Variants in CDCA2 observed in about 807,000 individuals in gnomAD.
The protein encoded by CDCA2 is cell division cycle-associated protein 2.
In CDCA2, 44 loss-of-function variants were observed where a neutral mutation model predicts 67.0. That is an observed-to-expected ratio of 0.66 (90% CI 0.52 to 0.84). The LOEUF is 0.84. Ranked by LOEUF, CDCA2 falls within the 40% of genes least tolerant of loss-of-function variation. CDCA2 has a pLI of 0.00. For synonymous variants in CDCA2, 447 were observed against 418.7 expected (o/e 1.07, Z -0.82); for missense variants, 1,253 against 1,203.2 (o/e 1.04, Z -0.61).
intron 5 of CDCA2, among the ~76,000 whole-genome samples, chr8:25,466,588 T>A (rs1419038486): frequency 1.3e-5 from 2 of 152,200 alleles, no homozygotes; most frequent in Non-Finnish European, 2.9e-5. Flanking sequence ...ATGCCAGAGA[T>A]AATTAGCTCA....
chr8:25,481,760 A>G (rs1375571280), intron 8 of CDCA2, among the ~76,000 whole-genome samples: 2 of 152,238 alleles, frequency 1.3e-5, no homozygotes, highest in East Asian at 1.9e-4. Context: ...TAGGAGGCAT[A>G]TAAAATGTGA....
At chr8:25,479,532 A>C (rs1362417052) in intron 7 of CDCA2, among the ~76,000 whole-genome samples, 1 of 152,112 alleles carries the variant, frequency 6.6e-6, no homozygotes, top group African/African-American at 2.4e-5. Flanking sequence ...TAGCGGTAAA[A>C]TTGCTTATTA....
intron 7 of CDCA2, among the ~76,000 whole-genome samples, chr8:25,478,890 A>G (rs1554522838): frequency 2.3e-4 from 25 of 110,546 alleles, no homozygotes; most frequent in African/African-American, 1.2e-3. Flanking sequence ...GTGTGTGTGT[A>G]TATATATATA....
At chr8:25,482,709 A>G (rs1803619460) in intron 8 of CDCA2, among the ~76,000 whole-genome samples, 1 of 152,140 alleles carries the variant, frequency 6.6e-6, no homozygotes, top group African/African-American at 2.4e-5. Context: ...TCTCTACAAA[A>G]AAATACAAAA....
intron 6 of CDCA2, among the ~76,000 whole-genome samples, chr8:25,469,083 G>A (rs571642451): frequency 1.3e-5 from 2 of 152,204 alleles, no homozygotes; most frequent in African/African-American, 2.4e-5. Flanking sequence ...CTCTCGTGAC[G>A]GACTTTTCTT....
At chr8:25,496,302 A>G (rs1169825547) in intron 13 of CDCA2, among the ~76,000 whole-genome samples, 2 of 152,192 alleles carry the variant, frequency 1.3e-5, no homozygotes, top group African/African-American at 4.8e-5. Context: ...TGGACACTTT[A>G]GAAGCTTGCT....
chr8:25,491,337 T>C (rs1803994654), intron 13 of CDCA2, among the ~76,000 whole-genome samples: 1 of 152,150 alleles, frequency 6.6e-6, no homozygotes, highest in Admixed American at 6.5e-5. Context: ...AAAGGAGTCT[T>C]CAAGTTAAAA....
At chr8:25,490,602 A>G (rs1049182918) in intron 13 of CDCA2, among the ~76,000 whole-genome samples, 13 of 152,188 alleles carry the variant, frequency 8.5e-5, no homozygotes, top group Non-Finnish European at 1.9e-4. Context: ...GGATGGTGAG[A>G]GTGAGAGGTG....
At chr8:25,474,604 C>G (rs1326103015) in intron 7 of CDCA2, among the ~76,000 whole-genome samples, 2 of 152,196 alleles carry the variant, frequency 1.3e-5, no homozygotes. Flanking sequence ...GCTCTGAAGT[C>G]AAATGATATT....
At chr8:25,487,833 C>G (rs1803843579) in intron 12 of CDCA2, among the ~76,000 whole-genome samples, 1 of 152,074 alleles carries the variant, frequency 6.6e-6, no homozygotes, top group African/African-American at 2.4e-5. Flanking sequence ...GAAGAAAAAT[C>G]TAGAAAGATG....
chr8:25,494,878 G>A lies in CDCA2; in HGVS notation c.1671+6189G>A, dbSNP rs370942758. Among the ~76,000 whole-genome samples, 115 of 151,860 alleles carry A rather than the reference G, an allele frequency of 7.6e-4. 1 individual carries two copies. Among genetic ancestry groups the A allele is most frequent in the African/African-American group, 2.6e-3 (107 of 41,382 alleles). ...CCACATAAGGACACCAGGGACGAGT[G>A]TGCATTGAGAAATAACCATGTGAGG... is the stretch of plus-strand genomic sequence containing the variant. On this transcript the variant is annotated intron_variant, in intron 13 of 14. Transcript: ENST00000330560.
chr8:25,464,954 A>G (rs778775662), intron 4 of CDCA2, among the ~76,000 whole-genome samples: 1 of 152,066 alleles, frequency 6.6e-6, no homozygotes, highest in African/African-American at 2.4e-5. Context: ...CACGATATGA[A>G]CTGCTTTTTC....
At chr8:25,477,594 C>T (rs1315830088) in intron 7 of CDCA2, among the ~76,000 whole-genome samples, 2 of 152,160 alleles carry the variant, frequency 1.3e-5, no homozygotes, top group Admixed American at 6.5e-5. Context: ...ATCTGAAACA[C>T]TTCTGATCCC....
chr8:25,475,240 G>C (rs1395589176), intron 7 of CDCA2, among the ~76,000 whole-genome samples: 2 of 152,194 alleles, frequency 1.3e-5, no homozygotes, highest in Non-Finnish European at 2.9e-5. Context: ...AAATATTTGG[G>C]CTGGGTGTAG....
intron 7 of CDCA2, 70 bp from the exon 8 acceptor site, chr8:25,479,843 A>G (rs1803497515): frequency 1.1e-5 from 16 of 1,405,284 alleles, no homozygotes; most frequent in Admixed American, 5.2e-5. Context: ...TGCAAATACT[A>G]TATTTTTGGT....
At chr8:25,477,673 T>C (rs547465908) in intron 7 of CDCA2, among the ~76,000 whole-genome samples, 3 of 152,354 alleles carry the variant, frequency 2.0e-5, no homozygotes, top group East Asian at 3.9e-4. Flanking sequence ...TCACATGCTG[T>C]TGACTTCAAA....
Position 25,460,368 on chromosome 8 carries a change from A to G in CDCA2, c.62-16A>G. ...AGAGAGTTGTCCTCACCCCTACAATATGTCGTCCGTTTCAGGAAATGCCTC... is the reference window on the plus strand; with the variant it reads ...AGAGAGTTGTCCTCACCCCTACAATGTGTCGTCCGTTTCAGGAAATGCCTC... On this transcript the variant is annotated splice_polypyrimidine_tract_variant and intron_variant, in intron 2 of 14. Coordinates refer to ENST00000330560, the MANE Select transcript of CDCA2 (RefSeq NM_152562.4). 1 of 1,614,128 alleles carries G rather than the reference A, an allele frequency of 6.2e-7. No individual in the cohort carries two copies. The highest frequency in any genetic ancestry group is 2.2e-5 in the East Asian group (1 of 44,874).
intron 13 of CDCA2, among the ~76,000 whole-genome samples, chr8:25,498,484 T>A (rs1473373849): frequency 3.0e-5 from 1 of 33,008 alleles, no homozygotes; most frequent in African/African-American, 7.8e-5. Flanking sequence ...CCTCCCAAAG[T>A]GCTGGGATTA....
Position 25,462,212 on chromosome 8 carries a change from T to A in CDCA2, c.387+4T>A, listed in dbSNP as rs1481879241. Reference sequence around the variant, plus strand: ...GGCACAAGATTCTCCTTCCCAGGTATGATTTTCTTCTAAGTTCTGTCGTGA... The same window carrying A: ...GGCACAAGATTCTCCTTCCCAGGTAAGATTTTCTTCTAAGTTCTGTCGTGA... On this transcript the variant is annotated splice_donor_region_variant and intron_variant, in intron 4 of 14. Coordinates refer to ENST00000330560, the MANE Select transcript of CDCA2 (RefSeq NM_152562.4). 14 of 1,613,764 alleles carry A rather than the reference T, an allele frequency of 8.7e-6. No individual in the cohort carries two copies. The highest frequency in any genetic ancestry group is 1.2e-5 in the Non-Finnish European group (14 of 1,179,672).
Sources: gnomAD v4.1 joint callset for allele counts (sites outside exome capture counted in the v4.1 genomes callset) on GRCh38, gnomAD v4.1.1 for gene constraint, MANE v1.5 for transcripts, NCBI Gene and HGNC (gene_info 2026-07-23, HGNC 2026-07-21) for gene names.